The following BEND7 variants were observed in gnomAD, a reference collection of about 807,000 sequenced individuals.
The protein encoded by BEND7 is BEN domain-containing protein 7.
A neutral mutation model predicts 50.9 loss-of-function variants in BEND7; 28 were observed. That is an observed-to-expected ratio of 0.55 (90% CI 0.41 to 0.75). The LOEUF is 0.75. Among genes scored for constraint, BEND7 ranks in the 30% least tolerant of loss-of-function variants. BEND7 has a pLI of 0.00. For synonymous variants in BEND7, 170 were observed against 183.9 expected, an observed-to-expected ratio of 0.92 and a Z score of 0.61; for missense variants, 477 against 491.3, an observed-to-expected ratio of 0.97 and a Z score of 0.28.
intron 5 of BEND7, among the ~76,000 whole-genome samples, chr10:13,485,755 T>C (rs1192795162): frequency 6.6e-6 from 1 of 152,226 alleles, no homozygotes; most frequent in Non-Finnish European, 1.5e-5. Context: ...TCCCCCATAA[T>C]TGATTTAATT....
At chr10:13,527,814 A>G in intron 1 of BEND7, 3 of 982,466 alleles carry the variant, frequency 3.1e-6, no homozygotes, top group Non-Finnish European at 3.6e-6. Flanking sequence ...CCTCCCTGAC[A>G]AAATACAAAC....
chr10:13,494,330 T>G (rs1458880655), intron 4 of BEND7, among the ~76,000 whole-genome samples: 2 of 152,140 alleles, frequency 1.3e-5, no homozygotes, highest in African/African-American at 4.8e-5. Context: ...GGCAGGAGAA[T>G]CACTTGAACC....
downstream of BEND7, among the ~76,000 whole-genome samples, chr10:13,440,044 T>A (rs565004431): frequency 6.6e-6 from 1 of 152,242 alleles, no homozygotes; most frequent in Admixed American, 6.5e-5. Context: ...GCCAGCTGTG[T>A]CCCCAGATCC....
chr10:13,441,371 CAATTTT>C lies in BEND7; in HGVS notation c.*366_*371del. 2.8e-6 allele frequency: 3 copies of C among 1,059,550 alleles called. No homozygotes were observed. The highest frequency in any genetic ancestry group is 3.4e-6 in the Non-Finnish European group (3 of 879,304). 65.6% of individuals were successfully genotyped at this position (1,059,550 alleles called of 1,614,324 possible). On this transcript the variant is annotated 3_prime_UTR_variant, in exon 9 of 9. Transcript: ENST00000466271. ...GAACAGTAGTCACAGTAAGTAAACACAATTTTAATTTACAAAATATGATTTTGCTGT... is the reference window on the plus strand; with the variant it reads ...GAACAGTAGTCACAGTAAGTAAACACAATTTACAAAATATGATTTTGCTGT...
At chr10:13,472,026 G>C (rs989917072) in intron 6 of BEND7, among the ~76,000 whole-genome samples, 1 of 151,734 alleles carries the variant, frequency 6.6e-6, no homozygotes, top group Non-Finnish European at 1.5e-5. Flanking sequence ...TGTTAGACTC[G>C]GGGTCGATAC....
intron 6 of BEND7, among the ~76,000 whole-genome samples, chr10:13,455,558 G>T (rs1838762460): frequency 6.6e-6 from 1 of 152,174 alleles, no homozygotes; most frequent in Admixed American, 6.5e-5. Flanking sequence ...GAGGGACAGG[G>T]ACTTGGGTGT....
intron 6 of BEND7, among the ~76,000 whole-genome samples, chr10:13,473,442 T>C (rs1294315658): frequency 6.8e-6 from 1 of 146,742 alleles, no homozygotes; most frequent in Non-Finnish European, 1.5e-5. Flanking sequence ...CACTGTCAGA[T>C]TTGGGGTCGA....
At chr10:13,529,420 GA>G (rs566765167), upstream of BEND7, among the ~76,000 whole-genome samples, 65 of 152,268 alleles carry the variant, frequency 4.3e-4, no homozygotes, top group African/African-American at 1.4e-3. Flanking sequence ...GTTTTAGGGG[GA>G]AAAAACTTAC....
chr10:13,506,434 G>A (rs944409826), intron 2 of BEND7, among the ~76,000 whole-genome samples: 2 of 152,126 alleles, frequency 1.3e-5, no homozygotes, highest in East Asian at 1.9e-4. Flanking sequence ...GCAGTTCTGC[G>A]AGCCAGGAGT....
chr10:13,499,724 T>TAAAAC (rs3831318), intron 3 of BEND7, 54 bp downstream of exon 3: 821,473 of 1,450,980 alleles, frequency 0.57, 236,213 homozygotes, highest in Non-Finnish European at 0.59. Context: ...TATTTAGAAA[T>TAAAAC]AGAACAGTAC....
chr10:13,440,809 T>C (rs574352782), downstream of BEND7, among the ~76,000 whole-genome samples: 1 of 152,400 alleles, frequency 6.6e-6, no homozygotes, highest in East Asian at 1.9e-4. Context: ...CATTTAAAAT[T>C]AGGCTTCAAG....
At chr10:13,514,041 C>A (rs1297636844) in intron 2 of BEND7, among the ~76,000 whole-genome samples, 1 of 151,922 alleles carries the variant, frequency 6.6e-6, no homozygotes, top group Non-Finnish European at 1.5e-5. Context: ...CACATGCCAC[C>A]CCTTCTGTGT....
intron 5 of BEND7, among the ~76,000 whole-genome samples, chr10:13,485,928 C>G (rs1768378687): frequency 1.3e-5 from 2 of 152,260 alleles, no homozygotes; most frequent in East Asian, 3.9e-4. Flanking sequence ...GGTGCCCAAA[C>G]TGGGGTACAG....
At chr10:13,468,981 TG>T (rs1240343385) in intron 6 of BEND7, among the ~76,000 whole-genome samples, 1 of 152,250 alleles carries the variant, frequency 6.6e-6, no homozygotes, top group Non-Finnish European at 1.5e-5. Flanking sequence ...GCAGGAGACC[TG>T]AATATCCTAT....
In BEND7 at chr10:13,525,379, C is replaced by A. The variant is rs375070991; in HGVS notation, c.145+759G>T. 2.0e-4 allele frequency among the ~76,000 whole-genome samples: 30 copies of A among 152,344 alleles called. 1 individual carries two copies. The highest frequency in any genetic ancestry group is 6.5e-4 in the Admixed American group (10 of 15,302). On this transcript the variant is annotated intron_variant, in intron 2 of 8. Transcript: ENST00000466271. Reference sequence around the variant, plus strand: ...AGGTGGCAATGTTTGTGGCTACCTACCCACCCATCATGCAGCTACACTTGC... The same window carrying A: ...AGGTGGCAATGTTTGTGGCTACCTAACCACCCATCATGCAGCTACACTTGC...
rs1224722911 is a variant in BEND7, at chr10:13,447,318, T to C, written c.1184-2A>G. 1 of 1,614,090 alleles carries C rather than the reference T, an allele frequency of 6.2e-7. No homozygotes were observed. The highest frequency in any genetic ancestry group is 8.5e-7 in the Non-Finnish European group (1 of 1,179,932). ...GTCTTTCATCACTGTCCGCGATCTC[T>C]GCTGGTTACAAACATAAGACACAAA... On this transcript the variant is annotated splice_acceptor_variant, in intron 7 of 8. Coordinates refer to ENST00000466271, the MANE Select transcript of BEND7 (RefSeq NM_001369863.1). LOFTEE classifies it high-confidence loss of function.
chr10:13,504,620 A>C (rs1259458078), intron 2 of BEND7, among the ~76,000 whole-genome samples: 1 of 152,246 alleles, frequency 6.6e-6, no homozygotes, highest in Non-Finnish European at 1.5e-5. Context: ...ATACCAGGAA[A>C]AGGAAGCTCT....
intron 2 of BEND7, among the ~76,000 whole-genome samples, chr10:13,505,957 G>A (rs1372551874): frequency 6.6e-6 from 1 of 152,092 alleles, no homozygotes; most frequent in Non-Finnish European, 1.5e-5. Flanking sequence ...ACAAATAACA[G>A]GGAAGACTGA....
At chr10:13,454,637 C>T (rs557286967) in intron 6 of BEND7, among the ~76,000 whole-genome samples, 1 of 152,110 alleles carries the variant, frequency 6.6e-6, no homozygotes, top group African/African-American at 2.4e-5. Context: ...CAACTGTGCC[C>T]TGAGATACCA....
Sources: gnomAD v4.1 joint callset for allele counts (sites outside exome capture counted in the v4.1 genomes callset) on GRCh38, gnomAD v4.1.1 for gene constraint, MANE v1.5 for transcripts, NCBI Gene and HGNC (gene_info 2026-07-23, HGNC 2026-07-21) for gene names.